SOX6: variants seen among roughly 807,000 people sequenced by gnomAD.
SOX6 encodes the protein SRY-box transcription factor 6.
SOX6 carries 11 observed loss-of-function variants against 97.8 expected under a neutral mutation model. The observed-to-expected ratio is 0.11, with a 90% confidence interval of 0.07 to 0.19. The LOEUF is 0.19. Ranked by LOEUF, SOX6 falls within the 10% of genes least tolerant of loss-of-function variation. The pLI, the probability that SOX6 is intolerant of heterozygous loss-of-function variation, is 1.00. For synonymous variants in SOX6, 360 were observed against 371.4 expected (o/e 0.97, Z 0.35); for missense variants, 810 against 1,039.5 (o/e 0.78, Z 3.04).
At position 16,502,792 on chromosome 11, in the gene SOX6, A is replaced by C. The variant is rs139936247; in HGVS notation, n.610-26404T>G. On this transcript the variant is annotated intron_variant and non_coding_transcript_variant, in intron 4 of 5. Transcript: ENST00000524520. ...GACAAGAAAACAAACAGGATAGAAA[A>C]CCTATTTAACCAATTCATAGCTAAA... Among the ~76,000 whole-genome samples the C allele has an allele frequency of 1.5e-3, 223 of 152,284 alleles. 2 individuals carry two copies. Among genetic ancestry groups the C allele is most frequent in the African/African-American group, 5.3e-3 (219 of 41,568 alleles).
intron 3 of SOX6, among the ~76,000 whole-genome samples, chr11:16,680,812 G>C (rs745554949): frequency 6.6e-6 from 1 of 152,196 alleles, no homozygotes; most frequent in Admixed American, 6.5e-5. Flanking sequence ...TGCAATCCTA[G>C]TCTCTGATAA....
chr11:16,516,298 C>T (rs1410746852), intron 4 of SOX6, among the ~76,000 whole-genome samples: 1 of 151,942 alleles, frequency 6.6e-6, no homozygotes, highest in Non-Finnish European at 1.5e-5. Flanking sequence ...GTATTTTATT[C>T]TCTTTGAAGC....
chr11:16,166,390 T>C (rs188845769), intron 6 of SOX6, among the ~76,000 whole-genome samples: 1 of 152,338 alleles, frequency 6.6e-6, no homozygotes, highest in East Asian at 1.9e-4. Flanking sequence ...TTCTGCAATA[T>C]TTGCTTCAAT....
At chr11:16,219,429 A>G (rs1852472180) in intron 4 of SOX6, among the ~76,000 whole-genome samples, 1 of 152,092 alleles carries the variant, frequency 6.6e-6, no homozygotes, top group Admixed American at 6.6e-5. Flanking sequence ...AGCAGAGTAC[A>G]CGAATGAGTG....
At chr11:16,021,220 A>G (rs374940290) in intron 12 of SOX6, among the ~76,000 whole-genome samples, 2 of 152,172 alleles carry the variant, frequency 1.3e-5, no homozygotes, top group African/African-American at 4.8e-5. Context: ...AGAAGTACAC[A>G]TTTCAAAATA....
At chr11:16,618,092 A>T (rs1488636893) in intron 3 of SOX6, among the ~76,000 whole-genome samples, 2 of 151,914 alleles carry the variant, frequency 1.3e-5, no homozygotes, top group African/African-American at 4.8e-5. Context: ...TCACTGTGAG[A>T]GATATTCTGT....
intron 4 of SOX6, among the ~76,000 whole-genome samples, chr11:16,503,502 G>C (rs754557422): frequency 1.3e-5 from 2 of 152,132 alleles, no homozygotes. Context: ...TAGACTGGTT[G>C]AATGAATACA....
intron 6 of SOX6, among the ~76,000 whole-genome samples, chr11:16,124,658 AG>A (rs1326427062): frequency 6.6e-6 from 1 of 152,072 alleles, no homozygotes; most frequent in Non-Finnish European, 1.5e-5. Context: ...GGTAGGGGAA[AG>A]GCTAGAAAGA....
intron 4 of SOX6, among the ~76,000 whole-genome samples, chr11:16,564,253 T>C (rs907279789): frequency 1.3e-5 from 2 of 152,204 alleles, no homozygotes; most frequent in African/African-American, 4.8e-5. Context: ...TTATGTTTGA[T>C]GGTTAATGCA....
At chr11:16,138,804 G>C (rs1343872967) in intron 6 of SOX6, among the ~76,000 whole-genome samples, 1 of 151,694 alleles carries the variant, frequency 6.6e-6, no homozygotes, top group African/African-American at 2.4e-5. Context: ...TGCGGTGTTT[G>C]GTTTTTTGTC....
At chr11:16,104,032 T>C (rs1449383319) in intron 7 of SOX6, among the ~76,000 whole-genome samples, 1 of 151,858 alleles carries the variant, frequency 6.6e-6, no homozygotes, top group Non-Finnish European at 1.5e-5. Context: ...TCAAAGTTCA[T>C]GCCTTCATGA....
At chr11:16,010,722 G>T (rs1019708720) in intron 13 of SOX6, among the ~76,000 whole-genome samples, 1 of 151,784 alleles carries the variant, frequency 6.6e-6, no homozygotes, top group Non-Finnish European at 1.5e-5. Flanking sequence ...AGGTAATTGG[G>T]AAATACTACT....
At chr11:15,974,356 TGTTTTTTTCTGTTAGCTCTCTC>T (rs1853401354) in intron 15 of SOX6, among the ~76,000 whole-genome samples, 7 of 133,154 alleles carry the variant, frequency 5.3e-5, no homozygotes, top group South Asian at 2.3e-4. Context: ...TTCTTTTTTT[TGTTTTTTTCTGTTAGCTCTCTC>T]TTTTTTTTTT....
At chr11:16,548,557 C>T (rs1021681178) in intron 4 of SOX6, among the ~76,000 whole-genome samples, 3 of 151,866 alleles carry the variant, frequency 2.0e-5, no homozygotes, top group Non-Finnish European at 2.9e-5. Context: ...CTGGCCTTGG[C>T]TTAGGTAAAG....
At chr11:16,024,741 C>T (rs535030026) in intron 12 of SOX6, among the ~76,000 whole-genome samples, 43 of 152,044 alleles carry the variant, frequency 2.8e-4, no homozygotes, top group African/African-American at 8.2e-4. Flanking sequence ...GAGAACTGTG[C>T]GCTGCAAGCA....
chr11:16,499,698 T>C (rs1860668578), intron 4 of SOX6, among the ~76,000 whole-genome samples: 1 of 152,134 alleles, frequency 6.6e-6, no homozygotes, highest in Non-Finnish European at 1.5e-5. Flanking sequence ...GCAAATAAAC[T>C]AGAAAATCTA....
In SOX6 at chr11:16,616,484, C is replaced by T. The variant is rs193206674; in HGVS notation, n.430-4224G>A. ...CTAAATACAGGATTTCTTTTGTGTG[C>T]GTATTTTTTTTAACATTACAATCAT... On this transcript the variant is annotated intron_variant and non_coding_transcript_variant, in intron 3 of 5. Coordinates refer to the SOX6 transcript ENST00000524520. Among the ~76,000 whole-genome samples, 337 of 151,814 alleles carry T rather than the reference C, an allele frequency of 2.2e-3. 1 individual carries two copies. The highest frequency in any genetic ancestry group is 3.9e-3 in the Non-Finnish European group (267 of 67,792).
At chr11:16,552,286 G>A (rs1847697725) in intron 4 of SOX6, among the ~76,000 whole-genome samples, 1 of 152,126 alleles carries the variant, frequency 6.6e-6, no homozygotes, top group South Asian at 2.1e-4. Context: ...GAAAATGCAT[G>A]CTGTATAGCC....
upstream of SOX6, among the ~76,000 whole-genome samples, chr11:16,360,845 T>C (rs1199861639): frequency 2.0e-5 from 3 of 151,608 alleles, no homozygotes; most frequent in South Asian, 2.1e-4. Flanking sequence ...CTACTAAAAA[T>C]ACAAAAAGTT....
Sources: gnomAD v4.1 joint callset for allele counts (sites outside exome capture counted in the v4.1 genomes callset) on GRCh38, gnomAD v4.1.1 for gene constraint, MANE v1.5 for transcripts, NCBI Gene and HGNC (gene_info 2026-07-23, HGNC 2026-07-21) for gene names.